ZEB1: variants seen among roughly 807,000 people sequenced by gnomAD.
ZEB1 encodes zinc finger E-box-binding homeobox 1.
In ZEB1, 21 loss-of-function variants were observed where a neutral mutation model predicts 84.9. The observed-to-expected ratio is 0.25, with a 90% CI of 0.18 to 0.36. The LOEUF is 0.36. Among genes scored for constraint, ZEB1 ranks in the 10% least tolerant of loss-of-function variants. ZEB1 has a pLI of 1.00. For missense variants in ZEB1, 1,104 were observed against 1,330.2 expected (o/e 0.83, Z 2.65); for synonymous variants, 420 against 471.1 (o/e 0.89, Z 1.41).
At chr10:31,490,939 CAA>C (rs1379382771) in intron 2 of ZEB1, among the ~76,000 whole-genome samples, 1 of 151,766 alleles carries the variant, frequency 6.6e-6, no homozygotes, top group Non-Finnish European at 1.5e-5. Flanking sequence ...GTTCACTTTT[CAA>C]AGCCTTTGAA....
intron 1 of ZEB1, among the ~76,000 whole-genome samples, chr10:31,383,983 T>C (rs987955875): frequency 7.0e-6 from 1 of 143,156 alleles, no homozygotes; most frequent in Non-Finnish European, 1.5e-5. Flanking sequence ...TTTTTTTTTT[T>C]TTTTTTTTGA....
intron 1 of ZEB1, among the ~76,000 whole-genome samples, chr10:31,432,374 A>G (rs1248655256): frequency 6.6e-6 from 1 of 152,210 alleles, no homozygotes; most frequent in Non-Finnish European, 1.5e-5. Context: ...GGATTGCTTA[A>G]GCCCAGGAGT....
intron 1 of ZEB1, among the ~76,000 whole-genome samples, chr10:31,408,964 C>T (rs2053681607): frequency 6.6e-6 from 1 of 150,530 alleles, no homozygotes; most frequent in Admixed American, 6.6e-5. Flanking sequence ...AGGCAACCTA[C>T]AAAATGGGAG....
At chr10:31,488,468 A>G (rs1010217755) in intron 2 of ZEB1, among the ~76,000 whole-genome samples, 2 of 148,358 alleles carry the variant, frequency 1.3e-5, no homozygotes, top group Non-Finnish European at 3.0e-5. Context: ...ATCCTACTAC[A>G]GTTTTGTCCA....
intron 1 of ZEB1, among the ~76,000 whole-genome samples, chr10:31,412,110 G>A (rs1388402520): frequency 6.6e-6 from 1 of 152,138 alleles, no homozygotes; most frequent in Non-Finnish European, 1.5e-5. Context: ...TTTAGTGAAA[G>A]TATGTCCTAC....
At chr10:31,511,375 A>T (rs564773837) in intron 5 of ZEB1, among the ~76,000 whole-genome samples, 1 of 152,114 alleles carries the variant, frequency 6.6e-6, no homozygotes, top group Admixed American at 6.5e-5. Flanking sequence ...CTAAAAATCT[A>T]AAGTTTAGAT....
rs368309803 is a variant in ZEB1 at position 31,427,881 on chromosome 10, A to G, written c.59-33156A>G. Among the ~76,000 whole-genome samples, 38 of 148,838 alleles carry G rather than the reference A, an allele frequency of 2.6e-4. 1 individual carries two copies. Among genetic ancestry groups the G allele is most frequent in the African/African-American group, 8.3e-4 (34 of 40,786 alleles). On this transcript the variant is annotated intron_variant, in intron 1 of 8. Coordinates refer to ENST00000424869, the MANE Select transcript of ZEB1 (RefSeq NM_001174096.2). ...CTCAAAAAAAAAAAAAAGGCAATGA[A>G]TCTCTAATGGTTGATTGTATTTCTG...
chr10:31,335,973 T>A (rs1219610436), intron 1 of ZEB1, among the ~76,000 whole-genome samples: 1 of 152,124 alleles, frequency 6.6e-6, no homozygotes, highest in Non-Finnish European at 1.5e-5. Flanking sequence ...TAGCATTATA[T>A]CATCATAAAA....
chr10:31,379,880 G>A (rs2047328634), intron 1 of ZEB1, among the ~76,000 whole-genome samples: 1 of 152,052 alleles, frequency 6.6e-6, no homozygotes, highest in Admixed American at 6.6e-5. Context: ...CAGACTTCAA[G>A]TCTTTTCACT....
intron 1 of ZEB1, among the ~76,000 whole-genome samples, chr10:31,452,056 T>C (rs2060623235): frequency 6.6e-6 from 1 of 152,120 alleles, no homozygotes; most frequent in Non-Finnish European, 1.5e-5. Context: ...AAATTTAGAA[T>C]GATTGACTTT....
chr10:31,328,124 C>A (rs184538834), intron 1 of ZEB1, among the ~76,000 whole-genome samples: 1 of 152,246 alleles, frequency 6.6e-6, no homozygotes, highest in East Asian at 1.9e-4. Context: ...CCTTCCTAAT[C>A]TATAGATTAT....
intron 1 of ZEB1, chr10:31,320,452 C>G (rs2033635713): frequency 1.5e-5 from 2 of 135,198 alleles, no homozygotes; most frequent in Admixed American, 1.6e-4. Flanking sequence ...GATAATGGGG[C>G]TTGGATGGCG....
At chr10:31,431,111 G>A (rs1240536180) in intron 1 of ZEB1, among the ~76,000 whole-genome samples, 1 of 152,078 alleles carries the variant, frequency 6.6e-6, no homozygotes, top group Non-Finnish European at 1.5e-5. Context: ...GGAACTATTG[G>A]GGTATGTGGA....
rs1006195314 is a variant in ZEB1, at chr10:31,526,982, A to T, written c.3096A>T (p.Glu1032Asp). ...DSDERESLTR[E>D]EDEDSEKEEE... ...ACGAGAGAGAGAGTTTGACAAGGGAAGAGGATGAAGACAGTGAAAAAGAGG... is the reference window on the plus strand; with the variant it reads ...ACGAGAGAGAGAGTTTGACAAGGGATGAGGATGAAGACAGTGAAAAAGAGG... The change falls in exon 9 of 9, where the codon GAA (glutamate) becomes GAT (aspartate). Residue 1032 changes from glutamate (E) to aspartate (D), a missense_variant. Around this residue, in one of 7 missense-constraint regions of ZEB1, gnomAD observed 173 missense variants for 167.0 expected, o/e 1.04. Transcript: ENST00000424869. 7 of 1,612,222 alleles carry T rather than the reference A, an allele frequency of 4.3e-6. No homozygotes were observed. The Admixed American group carries it at 1.2e-4, about 27-fold the overall frequency.
chr10:31,428,679 A>G (rs78405087), intron 1 of ZEB1, among the ~76,000 whole-genome samples: 2 of 152,294 alleles, frequency 1.3e-5, no homozygotes, highest in South Asian at 2.1e-4. Flanking sequence ...CTATTACTGT[A>G]TGAGAGTCTC....
chr10:31,526,591 A>G, intron 8 of ZEB1, 81 bp from the exon 9 acceptor site: 1 of 1,542,412 alleles, frequency 6.5e-7, no homozygotes, highest in Non-Finnish European at 8.8e-7. Context: ...CCTTTCTACA[A>G]CATGAAGTAC....
chr10:31,472,233 GAGAC>G (rs1463188373), intron 2 of ZEB1, among the ~76,000 whole-genome samples: 2 of 151,844 alleles, frequency 1.3e-5, no homozygotes, highest in African/African-American at 4.9e-5. Context: ...GAAGGAAATA[GAGAC>G]ACAAAAAACC....
At chr10:31,416,703 T>C (rs548516025) in intron 1 of ZEB1, among the ~76,000 whole-genome samples, 1 of 152,162 alleles carries the variant, frequency 6.6e-6, no homozygotes, top group South Asian at 2.1e-4. Flanking sequence ...GAGAGAAAAA[T>C]AGAAGCGCAT....
chr10:31,445,906 G>T (rs1471134631), intron 1 of ZEB1, among the ~76,000 whole-genome samples: 4 of 124,584 alleles, frequency 3.2e-5, no homozygotes, highest in African/African-American at 1.3e-4. Context: ...GCCAGGCTTT[G>T]GTATCAGAAT....
Sources: gnomAD v4.1 joint callset for allele counts (sites outside exome capture counted in the v4.1 genomes callset) on GRCh38, gnomAD v4.1.1 for gene constraint, gnomAD v4.1.1 regional missense constraint, MANE v1.5 for transcripts, NCBI Gene and HGNC (gene_info 2026-07-23, HGNC 2026-07-21) for gene names.